The following GNG7 variants were observed in gnomAD, a reference collection of about 807,000 sequenced individuals.
GNG7 encodes the protein G protein subunit gamma 7.
Under a neutral mutation model 4.0 loss-of-function variants are expected in GNG7, and 1 was observed. The ratio of observed to expected loss-of-function variants is 0.25; its 90% CI spans 0.09 to 1.18. GNG7 has a LOEUF of 1.18. Among genes scored for constraint, GNG7 ranks in the 50% most tolerant of loss-of-function variants. GNG7 has a pLI of 0.50. For synonymous variants in GNG7, 34 were observed against 36.9 expected (o/e 0.92, Z 0.29); for missense variants, 86 against 91.9 (o/e 0.94, Z 0.26).
intron 3 of GNG7, among the ~76,000 whole-genome samples, chr19:2,552,196 T>C (rs529326232): frequency 2.0e-3 from 304 of 151,876 alleles, no homozygotes; most frequent in African/African-American, 7.2e-3. Flanking sequence ...TACTAAAAAA[T>C]ACAAAAAATC....
chr19:2,685,934 C>T (rs903576674), intron 1 of GNG7, among the ~76,000 whole-genome samples: 1 of 152,208 alleles, frequency 6.6e-6, no homozygotes, highest in African/African-American at 2.4e-5. Flanking sequence ...TGAGCTCTTT[C>T]TCGCCAGAGC....
intron 2 of GNG7, among the ~76,000 whole-genome samples, chr19:2,572,848 C>T (rs1380353915): frequency 3.3e-5 from 5 of 151,838 alleles, no homozygotes; most frequent in East Asian, 3.9e-4. Context: ...CCTCCCACCT[C>T]GGACTCCCAG....
intron 2 of GNG7, among the ~76,000 whole-genome samples, chr19:2,597,763 G>T (rs2144808610): frequency 6.6e-6 from 1 of 151,264 alleles, no homozygotes; most frequent in Admixed American, 6.6e-5. Flanking sequence ...AGGCGTGGTG[G>T]CGGGCGCCTG....
At chr19:2,587,559 G>C (rs573991141) in intron 2 of GNG7, among the ~76,000 whole-genome samples, 2 of 152,132 alleles carry the variant, frequency 1.3e-5, no homozygotes, top group Admixed American at 6.6e-5. Context: ...GGGTCGGTAC[G>C]CAGGCGGCCA....
intron 2 of GNG7, among the ~76,000 whole-genome samples, chr19:2,570,158 C>T (rs1980102568): frequency 6.6e-6 from 1 of 152,058 alleles, no homozygotes; most frequent in Non-Finnish European, 1.5e-5. Flanking sequence ...GCACCTCCTC[C>T]CTCCTTTCTC....
intron 2 of GNG7, among the ~76,000 whole-genome samples, chr19:2,622,914 T>C (rs1021887147): frequency 6.6e-6 from 1 of 152,244 alleles, no homozygotes; most frequent in African/African-American, 2.4e-5. Flanking sequence ...TTTATACCAC[T>C]AGAGCTCTGA....
At chr19:2,595,600 T>C (rs1980993247) in intron 2 of GNG7, among the ~76,000 whole-genome samples, 1 of 151,390 alleles carries the variant, frequency 6.6e-6, no homozygotes, top group East Asian at 2.0e-4. Flanking sequence ...CCGGGCGTGG[T>C]GGCGGGTGCC....
At chr19:2,694,559 G>C (rs1444911019) in intron 1 of GNG7, among the ~76,000 whole-genome samples, 1 of 151,948 alleles carries the variant, frequency 6.6e-6, no homozygotes, top group African/African-American at 2.4e-5. Flanking sequence ...AATCAAGTCT[G>C]CTTCCTGATC....
At chr19:2,619,963 G>T (rs1046036154) in intron 2 of GNG7, among the ~76,000 whole-genome samples, 2 of 151,618 alleles carry the variant, frequency 1.3e-5, no homozygotes, top group African/African-American at 4.8e-5. Context: ...GGAGGACGAG[G>T]GGGGGGCGCG....
At chr19:2,673,457 C>CCGA (rs1436551800) in intron 1 of GNG7, among the ~76,000 whole-genome samples, 3 of 151,878 alleles carry the variant, frequency 2.0e-5, no homozygotes, top group Non-Finnish European at 2.9e-5. Flanking sequence ...CTTTGGGAGG[C>CCGA]CGAGGCGGGC....
intron 2 of GNG7, among the ~76,000 whole-genome samples, chr19:2,567,462 A>C (rs1979957420): frequency 6.6e-6 from 1 of 151,766 alleles, no homozygotes; most frequent in Admixed American, 6.6e-5. Context: ...AGCAGCTGGG[A>C]CTACAGGTGC....
At chr19:2,621,696 A>AAAAC (rs78958083) in intron 2 of GNG7, among the ~76,000 whole-genome samples, 9,142 of 151,636 alleles carry the variant, frequency 0.06, 302 homozygotes, top group African/African-American at 0.098. Flanking sequence ...GACCTCATCT[A>AAAAC]AAACAAACAA....
intron 1 of GNG7, among the ~76,000 whole-genome samples, chr19:2,691,555 A>G (rs1450061439): frequency 6.6e-6 from 1 of 151,794 alleles, no homozygotes; most frequent in Non-Finnish European, 1.5e-5. Context: ...AAAAAAATAA[A>G]AATTAAAAAA....
At position 2,659,249 on chromosome 19, in the gene GNG7, G is replaced by A. The variant is rs112167254; in HGVS notation, c.-134-12969C>T. Among the ~76,000 whole-genome samples, 1,409 of 151,108 alleles carry A rather than the reference G, an allele frequency of 9.3e-3. 21 individuals carry two copies. The highest frequency in any genetic ancestry group is 0.031 in the African/African-American group (1,288 of 41,384). On this transcript the variant is annotated intron_variant, in intron 1 of 4. Coordinates refer to ENST00000382159, the MANE Select transcript of GNG7 (RefSeq NM_052847.3). The stretch of plus-strand genomic sequence containing the variant: ...CTCCCAAAGTCCTGGGATGACAGAC[G>A]TGAGCCACTGCGCCTGGCCTTGATT...
chr19:2,697,780 GCCCCGTCCCCCC>G (rs1913303695), intron 1 of GNG7, among the ~76,000 whole-genome samples: 1 of 143,626 alleles, frequency 7.0e-6, no homozygotes, highest in Admixed American at 6.7e-5. Flanking sequence ...CATGGTGAGG[GCCCCGTCCCCCC>G]CCCCGCCCGT....
In GNG7 at chr19:2,568,290, TATACACACGCACACAC is replaced by T. The variant is rs1254858855; in HGVS notation, c.-77-13118_-77-13103del. On this transcript the variant is annotated intron_variant, in intron 2 of 4. Coordinates refer to ENST00000382159, the MANE Select transcript of GNG7 (RefSeq NM_052847.3). The stretch of plus-strand genomic sequence containing the variant: ...AGAGACACATATAGACTTACACACA[TATACACACGCACACAC>T]ATACACACGCACACACACATATACA... 9.1e-5 allele frequency among the ~76,000 whole-genome samples: 6 copies of T among 66,038 alleles called. No individual in the cohort carries two copies. In the East Asian group the frequency reaches 1.6e-3, roughly 18 times the overall value. 43.3% of individuals were successfully genotyped at this position (66,038 alleles called of 152,430 possible). A position where few individuals can be genotyped will look rare whatever the true frequency, so the allele number is the denominator to read the frequency against.
rs895868737 is a variant in GNG7, at chr19:2,609,888, C to T, written c.-78+36336G>A. 3.9e-5 allele frequency among the ~76,000 whole-genome samples: 6 copies of T among 152,118 alleles called. No homozygotes were observed. The highest frequency in any genetic ancestry group is 1.2e-4 in the African/African-American group (5 of 41,420). ...GTGCACTTCTGGAGCTCCCTGACCA[C>T]GAGTGAGGAAATTGAACGGTACAGG... On this transcript the variant is annotated intron_variant, in intron 2 of 4. Transcript: ENST00000382159. This position sits in a 1 kb window ranked among gnomAD's most constrained non-coding sequence, Gnocchi z 4.4.
Position 2,634,203 on chromosome 19 carries a change from A to G in GNG7, c.-78+12021T>C, listed in dbSNP as rs1254461377. Among the ~76,000 whole-genome samples, 1 of 151,678 alleles carries G rather than the reference A, an allele frequency of 6.6e-6. No individual in the cohort carries two copies. Among genetic ancestry groups the G allele is most frequent in the South Asian group, 2.1e-4 (1 of 4,806 alleles). ...AACTCGAATTTTTTTCCCCAAAATA[A>G]TGAACCCAGAGTTTCTCCCCCTCAG... is the stretch of plus-strand genomic sequence containing the variant. On this transcript the variant is annotated intron_variant, in intron 2 of 4. Transcript: ENST00000382159. The surrounding 1 kb of genome is among the most constrained non-coding windows in gnomAD (Gnocchi z 5.3).
intron 2 of GNG7, among the ~76,000 whole-genome samples, chr19:2,638,182 G>A (rs1982366601): frequency 6.6e-6 from 1 of 151,570 alleles, no homozygotes; most frequent in African/African-American, 2.4e-5. Context: ...GGCTAACATG[G>A]TGAAACCCTG....
Sources: gnomAD v4.1 joint callset for allele counts (sites outside exome capture counted in the v4.1 genomes callset) on GRCh38, gnomAD v4.1.1 for gene constraint, Gnocchi (gnomAD v3.1) non-coding constraint, MANE v1.5 for transcripts, NCBI Gene and HGNC (gene_info 2026-07-23, HGNC 2026-07-21) for gene names.